ZSCAN32: variants seen among roughly 807,000 people sequenced by gnomAD.
ZSCAN32 encodes the protein zinc finger and SCAN domain containing 32.
A neutral mutation model predicts 47.4 loss-of-function variants in ZSCAN32; 52 were observed. That is an observed-to-expected ratio of 1.10 (90% CI 0.88 to 1.38). ZSCAN32 has a LOEUF of 1.38. Ranked by LOEUF, ZSCAN32 falls within the 40% of genes most tolerant of loss-of-function variation. The pLI, the probability that ZSCAN32 is intolerant of heterozygous loss-of-function variation, is 0.00. For missense variants in ZSCAN32, 959 were observed against 846.0 expected, an observed-to-expected ratio of 1.13 and a Z score of -1.66; for synonymous variants, 346 against 305.7, an observed-to-expected ratio of 1.13 and a Z score of -1.38.
chr16:3,390,059 C>A lies in ZSCAN32; in HGVS notation c.702G>T (p.Arg234Ser), dbSNP rs774979414. ...TCTGGGTGGCACCCCTGTAGAGGGC[C>A]CTTTGTGCAGGGCCTGGGCACATCC... ...QEWMCPGPAQRALYRGATQRK... is the reference protein window; with the variant it reads ...QEWMCPGPAQSALYRGATQRK... Residue 234 changes from arginine to serine, a missense_variant, in exon 5 of 7, where the codon AGG becomes AGT. Coordinates refer to ENST00000396852, the MANE Select transcript of ZSCAN32 (RefSeq NM_001284527.2). 3 of 1,614,002 alleles carry A rather than the reference C, an allele frequency of 1.9e-6. No homozygotes were observed. The South Asian group carries it at 3.3e-5, about 18-fold the overall frequency.
intron 2 of ZSCAN32, among the ~76,000 whole-genome samples, chr16:3,396,149 C>T (rs545033699): frequency 1.3e-5 from 2 of 152,262 alleles, no homozygotes; most frequent in Admixed American, 6.5e-5. Flanking sequence ...TAGTTCAGTT[C>T]TCCAAGTTCT....
At chr16:3,389,370 T>C (rs1431372015) in intron 5 of ZSCAN32, among the ~76,000 whole-genome samples, 1 of 152,170 alleles carries the variant, frequency 6.6e-6, no homozygotes, top group Non-Finnish European at 1.5e-5. Context: ...ACCCTGCATG[T>C]GAAGCAGCAG....
At chr16:3,388,742 A>C (rs2032309222) in intron 5 of ZSCAN32, among the ~76,000 whole-genome samples, 1 of 151,506 alleles carries the variant, frequency 6.6e-6, no homozygotes, top group Non-Finnish European at 1.5e-5. Flanking sequence ...CAATAAGCCT[A>C]ATGTTGTAGC....
In ZSCAN32 at chr16:3,382,490, G is replaced by C. The variant is rs981214104; in HGVS notation, c.*362C>G. The C allele has an allele frequency of 2.9e-5, 5 of 173,444 alleles. No homozygotes were observed. The highest frequency in any genetic ancestry group is 6.0e-5 in the Admixed American group (1 of 16,614). The allele number at this position is 173,444 out of a possible 1,614,324, so 10.7% of individuals were successfully genotyped here. On this transcript the variant is annotated 3_prime_UTR_variant, in exon 7 of 7. Transcript: ENST00000396852. ...CTTTTACATGTGCTTTCCAGGAAAG[G>C]AGACACTTTCTTTCTCAGCCCTGTG...
At chr16:3,392,641 C>CA (rs1567318002) in intron 3 of ZSCAN32, among the ~76,000 whole-genome samples, 1 of 152,078 alleles carries the variant, frequency 6.6e-6, no homozygotes, top group East Asian at 1.9e-4. Context: ...TCCTGGCTAA[C>CA]ACGATGAAAC....
chr16:3,383,896 G>T, intron 6 of ZSCAN32, 185 bp from the exon 7 acceptor site: 1 of 716,080 alleles, frequency 1.4e-6, no homozygotes, highest in Non-Finnish European at 2.1e-6. Flanking sequence ...AATTATTACA[G>T]GAAAATTATG....
At chr16:3,390,973 A>C (rs1163377528) in intron 3 of ZSCAN32, among the ~76,000 whole-genome samples, 1 of 152,228 alleles carries the variant, frequency 6.6e-6, no homozygotes, top group Non-Finnish European at 1.5e-5. Flanking sequence ...GAAACCCTTC[A>C]TATTTTTCAC....
chr16:3,388,647 C>G (rs1185589264), intron 5 of ZSCAN32, among the ~76,000 whole-genome samples: 1 of 152,234 alleles, frequency 6.6e-6, no homozygotes, highest in Non-Finnish European at 1.5e-5. Context: ...CTCTCACATT[C>G]TGTCTCAACT....
At position 3,397,388 on chromosome 16, in the gene ZSCAN32, T is replaced by A; in HGVS notation, c.170A>T (p.Lys57Ile). The change falls in exon 2 of 7, where the codon AAA becomes ATA. Residue 57 changes from lysine to isoleucine, a missense_variant. By Grantham distance (102) the Lys-to-Ile change is moderately radical. Transcript: ENST00000396852. ...EVTGPHEAFS[K>I]LWELCCQWLR... ...CCACTGACAACAGAGTTCCCAGAGTTTGCTAAAAGCTTCATGTGGGCCAGT... is the reference window on the plus strand; with the variant it reads ...CCACTGACAACAGAGTTCCCAGAGTATGCTAAAAGCTTCATGTGGGCCAGT... The A allele has an allele frequency of 6.4e-7, 1 of 1,554,592 alleles. No homozygotes were observed. Among genetic ancestry groups the A allele is most frequent in the South Asian group, 1.2e-5 (1 of 84,356 alleles).
chr16:3,391,598 GA>G (rs2032705835), intron 3 of ZSCAN32, among the ~76,000 whole-genome samples: 1 of 147,896 alleles, frequency 6.8e-6, no homozygotes, highest in African/African-American at 2.5e-5. Context: ...AGAATCACTT[GA>G]ACCCAGGAGG....
Position 3,397,267 on chromosome 16 carries a change from C to T in ZSCAN32, c.291G>A (p.Val97=). The change falls in exon 2 of 7, where the codon GTG becomes GTA. Residue 97 remains valine, a synonymous_variant. Coordinates refer to ENST00000396852, the MANE Select transcript of ZSCAN32 (RefSeq NM_001284527.2). ...TILPEEIQTW[V]REQHPENGEE... is the part of the protein sequence containing the mutation. The stretch of plus-strand genomic sequence containing the variant: ...CGCCGTTTTCTGGATGCTGCTCCCT[C>T]ACCCAGGTCTGGATCTCCTCTGGCA... The T allele has an allele frequency of 6.4e-7, 1 of 1,569,476 alleles. No individual in the cohort carries two copies. The highest frequency in any genetic ancestry group is 8.6e-7 in the Non-Finnish European group (1 of 1,157,300).
chr16:3,387,974 G>A (rs368471179), intron 5 of ZSCAN32, among the ~76,000 whole-genome samples: 1 of 152,112 alleles, frequency 6.6e-6, no homozygotes, highest in Non-Finnish European at 1.5e-5. Flanking sequence ...ACCGCACAAG[G>A]CTCCCCCATT....
At chr16:3,400,519 T>C (rs985368132) in intron 1 of ZSCAN32, among the ~76,000 whole-genome samples, 2 of 152,328 alleles carry the variant, frequency 1.3e-5, no homozygotes, top group South Asian at 4.1e-4. Context: ...TCTGAAAATT[T>C]TACTTCACTC....
At chr16:3,387,815 T>C (rs916316206) in intron 5 of ZSCAN32, among the ~76,000 whole-genome samples, 2 of 152,196 alleles carry the variant, frequency 1.3e-5, no homozygotes, top group African/African-American at 4.8e-5. Flanking sequence ...ATATAAATAT[T>C]ACATGAACCC....
intron 3 of ZSCAN32, 74 bp from the exon 4 acceptor site, chr16:3,390,591 C>A: frequency 8.0e-7 from 1 of 1,253,976 alleles, no homozygotes; most frequent in East Asian, 2.6e-5. Context: ...TCAAAGTGGG[C>A]TCCTGGGCCA....
chr16:3,386,830 T>A (rs950617207), intron 5 of ZSCAN32, among the ~76,000 whole-genome samples: 3 of 151,536 alleles, frequency 2.0e-5, no homozygotes, highest in Admixed American at 2.0e-4. Flanking sequence ...TTTGGAGATA[T>A]ACCTAATGTT....
In ZSCAN32 at chr16:3,383,340, G is replaced by T. The variant is rs780118444; in HGVS notation, c.1606C>A (p.Leu536Ile). 11 of 1,614,046 alleles carry T rather than the reference G, an allele frequency of 6.8e-6. No individual in the cohort carries two copies. Among genetic ancestry groups the T allele is most frequent in the Non-Finnish European group, 9.3e-6 (11 of 1,180,046 alleles). Residue 536 changes from leucine to isoleucine, a missense_variant, in exon 7 of 7, where the codon CTT (leucine) becomes ATT (isoleucine). Coordinates refer to ENST00000396852, the MANE Select transcript of ZSCAN32 (RefSeq NM_001284527.2). ...CGKTFSRSSY[L>I]VRHQRIHTGE... Reference sequence around the variant, plus strand: ...GTGTGGATTCTTTGATGCCGAACAAGATAAGAACTTCGGCTAAAGGTTTTC... The same window carrying T: ...GTGTGGATTCTTTGATGCCGAACAATATAAGAACTTCGGCTAAAGGTTTTC...
chr16:3,393,565 TTG>T, intron 3 of ZSCAN32, 82 bp downstream of exon 3: 3 of 1,344,552 alleles, frequency 2.2e-6, no homozygotes, highest in Non-Finnish European at 2.0e-6. Context: ...TCTGGAACCC[TTG>T]GGTGGACTCA....
chr16:3,383,842 A>C (rs2031583219), intron 6 of ZSCAN32, 131 bp from the exon 7 acceptor site: 16 of 982,946 alleles, frequency 1.6e-5, no homozygotes, highest in Non-Finnish European at 2.2e-5. Context: ...TCTCCTGCTA[A>C]TTAATAGCTT....
Sources: gnomAD v4.1 joint callset for allele counts (sites outside exome capture counted in the v4.1 genomes callset) on GRCh38, gnomAD v4.1.1 for gene constraint, MANE v1.5 for transcripts, NCBI Gene and HGNC (gene_info 2026-07-23, HGNC 2026-07-21) for gene names.